Variants in QRSL1 observed in about 807,000 individuals in gnomAD.
The protein encoded by QRSL1 is glutaminyl-tRNA amidotransferase subunit QRSL1.
A neutral mutation model predicts 61.6 loss-of-function variants in QRSL1; 54 were observed. The ratio of observed to expected loss-of-function variants is 0.88; its 90% CI spans 0.70 to 1.10. The LOEUF is 1.10. QRSL1 is among the 50% of genes least tolerant of loss of function. The probability of loss-of-function intolerance (pLI) is 0.00; values close to 1 mark genes in which losing one functional copy is unlikely to be tolerated. For synonymous variants in QRSL1, 228 were observed against 225.7 expected (o/e 1.01, Z -0.09); for missense variants, 505 against 622.6 (o/e 0.81, Z 2.01).
rs542365852 is a variant in QRSL1 at position 106,667,192 on chromosome 6, A to C, written c.*1190A>C. 3.9e-5 allele frequency: 6 copies of C among 152,366 alleles called. No individual in the cohort carries two copies. The highest frequency in any genetic ancestry group is 5.9e-5 in the Non-Finnish European group (4 of 68,034). The allele number at this position is 152,366 out of a possible 1,614,324, so 9.4% of individuals were successfully genotyped here. A position where few individuals can be genotyped will look rare whatever the true frequency, so the allele number is the denominator to read the frequency against. On this transcript the variant is annotated 3_prime_UTR_variant, in exon 11 of 11. Coordinates refer to ENST00000369046, the MANE Select transcript of QRSL1 (RefSeq NM_018292.5). The stretch of plus-strand genomic sequence containing the variant: ...GTAACATACACTCTGAAAAACATGC[A>C]GATAATTTGCTGATGAAGCAGAAGA...
rs1777429366 is a variant in QRSL1 at position 106,666,084 on chromosome 6, C to T, written c.*82C>T. On this transcript the variant is annotated 3_prime_UTR_variant, in exon 11 of 11. Coordinates refer to ENST00000369046, the MANE Select transcript of QRSL1 (RefSeq NM_018292.5). Reference sequence around the variant, plus strand: ...ATCCCAGCACTTTGGGAGGCCAAGGCGAGCGGATCATGAGGTCAGAAGATC... The same window carrying T: ...ATCCCAGCACTTTGGGAGGCCAAGGTGAGCGGATCATGAGGTCAGAAGATC... The T allele has an allele frequency of 5.5e-6, 6 of 1,096,720 alleles. No individual in the cohort carries two copies. Among genetic ancestry groups the T allele is most frequent in the Non-Finnish European group, 6.8e-6 (5 of 730,534 alleles). 67.9% of individuals were successfully genotyped at this position (1,096,720 alleles called of 1,614,324 possible). A position where few individuals can be genotyped will look rare whatever the true frequency, so the allele number is the denominator to read the frequency against.
intron 1 of QRSL1, among the ~76,000 whole-genome samples, chr6:106,635,364 C>G (rs1217267925): frequency 6.6e-6 from 1 of 152,094 alleles, no homozygotes; most frequent in East Asian, 1.9e-4. Flanking sequence ...GTGTTGAATG[C>G]TACTAAGGAG....
At chr6:106,656,007 A>G (rs956919673) in intron 9 of QRSL1, among the ~76,000 whole-genome samples, 4 of 152,202 alleles carry the variant, frequency 2.6e-5, no homozygotes, top group African/African-American at 9.6e-5. Context: ...AAAATATTCA[A>G]AAAATAAAAA....
chr6:106,643,019 A>G lies in QRSL1; in HGVS notation c.309A>G (p.Thr103=). The change falls in exon 4 of 11, where the codon ACA becomes ACG. Residue 103 remains threonine, a synonymous_variant. Transcript: ENST00000369046. ...GTTATATACCACCTTATAATGCTACAGTAGTTCAGAAGTTGTTGGATCAGG... is the reference window on the plus strand; with the variant it reads ...GTTATATACCACCTTATAATGCTACGGTAGTTCAGAAGTTGTTGGATCAGG... ...LKGYIPPYNA[T]VVQKLLDQGA... The G allele has an allele frequency of 1.2e-6, 2 of 1,612,748 alleles. No individual in the cohort carries two copies. The highest frequency in any genetic ancestry group is 1.7e-4 in the Middle Eastern group (1 of 6,056).
intron 5 of QRSL1, among the ~76,000 whole-genome samples, chr6:106,651,149 C>T (rs1433641530): frequency 2.0e-5 from 3 of 152,170 alleles, no homozygotes; most frequent in Non-Finnish European, 2.9e-5. Context: ...ATCTCATGTA[C>T]GTGGTGTCAT....
chr6:106,637,802 T>C (rs550718296), intron 1 of QRSL1, among the ~76,000 whole-genome samples: 3 of 152,220 alleles, frequency 2.0e-5, no homozygotes, highest in Non-Finnish European at 4.4e-5. Flanking sequence ...GAACTGTATA[T>C]GTGATTTATG....
intron 1 of QRSL1, among the ~76,000 whole-genome samples, chr6:106,639,116 G>GGTTTT (rs1192526609): frequency 1.8e-5 from 1 of 54,358 alleles, no homozygotes; most frequent in African/African-American, 6.8e-5. Flanking sequence ...TGTGTGTTTT[G>GGTTTT]TTGTTTTTTT....
intron 10 of QRSL1, among the ~76,000 whole-genome samples, chr6:106,664,068 C>A (rs1777398624): frequency 6.6e-6 from 1 of 152,166 alleles, no homozygotes; most frequent in Non-Finnish European, 1.5e-5. Flanking sequence ...TCCTACAGAA[C>A]CACAATTCCA....
chr6:106,634,715 G>A (rs577583015), intron 1 of QRSL1, among the ~76,000 whole-genome samples: 35 of 152,018 alleles, frequency 2.3e-4, no homozygotes, highest in African/African-American at 8.2e-4. Flanking sequence ...GCAGTGAGGC[G>A]AGATCACATC....
rs569528235 is a variant in QRSL1, at chr6:106,659,862, G to A, written c.1161-3118G>A. On this transcript the variant is annotated intron_variant, in intron 9 of 10. Transcript: ENST00000369046. ...CTGTTCGAAACACAAACTTATTTCC[G>A]TCCCTGTTTGAGCTCTAGGAATTGT... Among the ~76,000 whole-genome samples, 247 of 152,200 alleles carry A rather than the reference G, an allele frequency of 1.6e-3. 2 individuals carry two copies. The highest frequency in any genetic ancestry group is 5.8e-3 in the African/African-American group (239 of 41,534).
chr6:106,640,135 G>T, intron 1 of QRSL1: 1 of 428,848 alleles, frequency 2.3e-6, no homozygotes, highest in Non-Finnish European at 4.1e-6. Flanking sequence ...CTAAGGAGAA[G>T]AATGTCATGT....
At chr6:106,658,260 T>C (rs558299719) in intron 9 of QRSL1, among the ~76,000 whole-genome samples, 1 of 152,326 alleles carries the variant, frequency 6.6e-6, no homozygotes, top group African/African-American at 2.4e-5. Context: ...CCATCTGGTA[T>C]AATTTTGTTT....
In QRSL1 at chr6:106,661,686, C is replaced by CT. The variant is rs572306794; in HGVS notation, c.1161-1259dup. Among the ~76,000 whole-genome samples the CT allele has an allele frequency of 2.7e-3, 149 of 55,092 alleles. 27 individuals are homozygous for CT. Among genetic ancestry groups the CT allele is most frequent in the Admixed American group, 5.0e-3 (15 of 3,006 alleles). 36.1% of individuals were successfully genotyped at this position (55,092 alleles called of 152,430 possible). On this transcript the variant is annotated intron_variant, in intron 9 of 10. Coordinates refer to ENST00000369046, the MANE Select transcript of QRSL1 (RefSeq NM_018292.5). Reference sequence around the variant, plus strand: ...CTGTTGTGGAAAAGAATGGTTAGTTCTTTTTTTTTTTTTTTTTTTTTTTTT... The same window carrying CT: ...CTGTTGTGGAAAAGAATGGTTAGTTCTTTTTTTTTTTTTTTTTTTTTTTTTT...
chr6:106,635,973 A>T (rs1582405677), intron 1 of QRSL1, among the ~76,000 whole-genome samples: 1 of 152,292 alleles, frequency 6.6e-6, no homozygotes, highest in East Asian at 1.9e-4. Flanking sequence ...AAATGCCAAA[A>T]TGTCTTGCAT....
At chr6:106,652,742 A>T (rs548059416) in intron 7 of QRSL1, 160 bp downstream of exon 7, 1 of 1,528,702 alleles carries the variant, frequency 6.5e-7, no homozygotes, top group East Asian at 2.5e-5. Context: ...CAATTTCCCC[A>T]TCTGTAAAAT....
At chr6:106,653,480 A>C (rs1304435473) in intron 7 of QRSL1, 5 of 152,320 alleles carry the variant, frequency 3.3e-5, no homozygotes, top group African/African-American at 9.6e-5. Context: ...AGTAACCCCC[A>C]GGTAAGACCA....
At chr6:106,652,840 C>A in intron 7 of QRSL1, 1 of 1,242,934 alleles carries the variant, frequency 8.0e-7, no homozygotes, top group Non-Finnish European at 1.1e-6. Context: ...CTGTAATGGG[C>A]AAGATAGCAA....
chr6:106,664,044 A>T (rs1283582361), intron 10 of QRSL1, among the ~76,000 whole-genome samples: 1 of 152,204 alleles, frequency 6.6e-6, no homozygotes, highest in Non-Finnish European at 1.5e-5. Flanking sequence ...TACAAATCTT[A>T]TAAGGATAAA....
chr6:106,643,730 A>G lies in QRSL1; in HGVS notation c.380+640A>G, dbSNP rs150639347. Among the ~76,000 whole-genome samples, 333 of 152,074 alleles carry G rather than the reference A, an allele frequency of 2.2e-3. 2 individuals are homozygous for G. Among genetic ancestry groups the G allele is most frequent in the Admixed American group, 0.013 (202 of 15,272 alleles). On this transcript the variant is annotated intron_variant, in intron 4 of 10. Transcript: ENST00000369046. ...CATATATTTTGGATTCAAATCCATT[A>G]TCAGATAGGTGCTGATTTGCAAATA...
Sources: gnomAD v4.1 joint callset for allele counts (sites outside exome capture counted in the v4.1 genomes callset) on GRCh38, gnomAD v4.1.1 for gene constraint, MANE v1.5 for transcripts, NCBI Gene and HGNC (gene_info 2026-07-23, HGNC 2026-07-21) for gene names.